Variants in MTMR3 observed in about 807,000 individuals in gnomAD.
MTMR3 encodes the protein myotubularin related protein 3, also known as phosphatidylinositol-3,5-bisphosphate 3-phosphatase MTMR3.
In MTMR3, 32 loss-of-function variants were observed where a neutral mutation model predicts 132.4. That is an observed-to-expected ratio of 0.24 (90% CI 0.18 to 0.32). The LOEUF (loss-of-function observed/expected upper bound fraction) is 0.32, where lower values mean the gene tolerates loss of function less well. MTMR3 is among the 10% of genes least tolerant of loss of function. MTMR3 has a pLI of 1.00. For synonymous variants in MTMR3, 556 were observed against 550.3 expected (o/e 1.01, Z -0.14); for missense variants, 1,216 against 1,489.6 (o/e 0.82, Z 3.02).
intron 1 of MTMR3, among the ~76,000 whole-genome samples, chr22:29,944,300 A>C (rs1342493099): frequency 6.6e-6 from 1 of 151,714 alleles, no homozygotes; most frequent in African/African-American, 2.4e-5. Context: ...TCTAATACTT[A>C]TCTCCACTGC....
chr22:29,916,541 T>C (rs191639266), intron 1 of MTMR3, among the ~76,000 whole-genome samples: 1 of 134,248 alleles, frequency 7.4e-6, no homozygotes, highest in Non-Finnish European at 1.6e-5. Flanking sequence ...AATTTGCTTG[T>C]CTTCTCTCAG....
intron 1 of MTMR3, among the ~76,000 whole-genome samples, chr22:29,922,879 T>C (rs1021379963): frequency 1.3e-5 from 2 of 150,824 alleles, no homozygotes; most frequent in Non-Finnish European, 2.9e-5. Context: ...CACATTTCCC[T>C]AGTGACTAGT....
At chr22:29,988,272 G>T (rs1209196586) in intron 5 of MTMR3, 1 of 349,216 alleles carries the variant, frequency 2.9e-6, no homozygotes, top group African/African-American at 2.1e-5. Flanking sequence ...GCTATGACAT[G>T]ACTTGAGACC....
At chr22:29,923,943 C>G (rs371730781) in intron 1 of MTMR3, among the ~76,000 whole-genome samples, 1 of 152,184 alleles carries the variant, frequency 6.6e-6, no homozygotes, top group Non-Finnish European at 1.5e-5. Flanking sequence ...TCTAAACATT[C>G]CTTAACAGAT....
At position 30,009,055 on chromosome 22, in the gene MTMR3, G is replaced by A; in HGVS notation, c.1047G>A (p.Met349Ile). The change falls in exon 12 of 20, where the codon ATG (methionine) becomes ATA (isoleucine). Residue 349 changes from methionine (M) to isoleucine (I), a missense_variant. By Grantham distance (10) the Met-to-Ile change is conservative. Transcript: ENST00000401950. ...YPNCEVVFMG[M>I]ANIHSIRRSF... is the part of the protein sequence containing the mutation. ...ACTGTGAAGTTGTGTTTATGGGGAT[G>A]GCAAACATTCATTCTATTCGGAGGA... 3 of 1,613,512 alleles carry A rather than the reference G, an allele frequency of 1.9e-6. No homozygotes were observed. The highest frequency in any genetic ancestry group is 1.1e-5 in the South Asian group (1 of 91,068).
intron 5 of MTMR3, chr22:29,985,086 GT>G (rs1012365753): frequency 6.6e-6 from 1 of 152,194 alleles, no homozygotes; most frequent in African/African-American, 2.4e-5. Context: ...TTAAGAGATT[GT>G]TTTCATATGT....
chr22:29,955,039 G>A (rs1011394383), intron 1 of MTMR3, among the ~76,000 whole-genome samples: 1 of 152,144 alleles, frequency 6.6e-6, no homozygotes, highest in Non-Finnish European at 1.5e-5. Context: ...GGCCAGGCTG[G>A]AGTGCAGTGG....
intron 1 of MTMR3, among the ~76,000 whole-genome samples, chr22:29,931,214 A>G (rs535625555): frequency 6.6e-6 from 1 of 152,254 alleles, no homozygotes; most frequent in East Asian, 1.9e-4. Context: ...GAATCTCTGA[A>G]ATGAGATATA....
At chr22:29,962,756 G>T (rs73162764) in intron 2 of MTMR3, among the ~76,000 whole-genome samples, 2 of 151,776 alleles carry the variant, frequency 1.3e-5, no homozygotes, top group Non-Finnish European at 2.9e-5. Flanking sequence ...CCACTAATCT[G>T]CTTTCTAAGA....
At chr22:29,922,816 T>A (rs1002273367) in intron 1 of MTMR3, among the ~76,000 whole-genome samples, 1 of 152,034 alleles carries the variant, frequency 6.6e-6, no homozygotes, top group East Asian at 1.9e-4. Context: ...TAAAAAAAAT[T>A]TAAAATAGCC....
intron 1 of MTMR3, among the ~76,000 whole-genome samples, chr22:29,955,505 A>G (rs539556353): frequency 2.6e-5 from 4 of 152,324 alleles, no homozygotes; most frequent in East Asian, 3.9e-4. Context: ...ACTGGTCTTC[A>G]TACTAAATAC....
chr22:29,903,477 C>G (rs900914579), intron 1 of MTMR3, among the ~76,000 whole-genome samples: 1 of 150,588 alleles, frequency 6.6e-6, no homozygotes, highest in African/African-American at 2.4e-5. Flanking sequence ...CAGCCTCAAC[C>G]TCCTGGGCTC....
chr22:30,024,209 GA>G (rs1323150460), intron 19 of MTMR3: 1 of 152,288 alleles, frequency 6.6e-6, no homozygotes. Flanking sequence ...CAGGAGAAGA[GA>G]ATCTCTTGAA....
intron 1 of MTMR3, among the ~76,000 whole-genome samples, chr22:29,900,986 C>T (rs2064993499): frequency 6.6e-6 from 1 of 152,158 alleles, no homozygotes; most frequent in Non-Finnish European, 1.5e-5. Context: ...TGCGTCCGGC[C>T]TAAGCCTGTG....
In MTMR3 at chr22:29,906,334, G is replaced by GTCTA. The variant is rs1363746975; in HGVS notation, c.-138+22989_-138+22992dup. On this transcript the variant is annotated intron_variant, in intron 1 of 19. Transcript: ENST00000401950. ...TATCTATCTATCTATCTATCTATCT[G>GTCTA]TCTATCTATCTATCTATGACGGAGT... Among the ~76,000 whole-genome samples, 73 of 119,952 alleles carry GTCTA rather than the reference G, an allele frequency of 6.1e-4. 1 individual carries two copies. The highest frequency in any genetic ancestry group is 3.6e-3 in the African/African-American group (71 of 20,000). The allele number at this position is 119,952 out of a possible 152,430, so 78.7% of individuals were successfully genotyped here. A position where few individuals can be genotyped will look rare whatever the true frequency, so the allele number is the denominator to read the frequency against.
At chr22:29,997,776 AT>A (rs1468986798) in intron 7 of MTMR3, 1 of 152,126 alleles carries the variant, frequency 6.6e-6, no homozygotes, top group Non-Finnish European at 1.5e-5. Flanking sequence ...TTCATACCCT[AT>A]TTGGTGTCTT....
chr22:29,945,565 C>T (rs994255416), intron 1 of MTMR3, among the ~76,000 whole-genome samples: 1 of 151,620 alleles, frequency 6.6e-6, no homozygotes, highest in Admixed American at 6.6e-5. Context: ...TGTAGCCAGG[C>T]ATGGTGGTAT....
intron 1 of MTMR3, among the ~76,000 whole-genome samples, chr22:29,915,953 A>G (rs1602466085): frequency 6.6e-6 from 1 of 152,090 alleles, no homozygotes; most frequent in Non-Finnish European, 1.5e-5. Flanking sequence ...TATAGTAGAT[A>G]CCTTTAACTT....
chr22:29,978,245 A>T, intron 3 of MTMR3, 197 bp from the exon 4 acceptor site: 1 of 421,672 alleles, frequency 2.4e-6, no homozygotes, highest in African/African-American at 2.0e-5. Flanking sequence ...TTTTGCATCA[A>T]TGTGTTTTCA....
Sources: allele counts gnomAD v4.1 joint callset (sites outside exome capture counted in the v4.1 genomes callset), GRCh38; gene constraint gnomAD v4.1.1; transcripts MANE v1.5; gene names NCBI Gene and HGNC (gene_info 2026-07-23, HGNC 2026-07-21).